Variants in GREM2 observed in about 807,000 individuals in gnomAD.
GREM2 encodes the protein gremlin 2, DAN family BMP antagonist.
A neutral mutation model predicts 14.2 loss-of-function variants in GREM2; 11 were observed. The observed-to-expected ratio is 0.78, with a 90% CI of 0.49 to 1.28. GREM2 has a LOEUF of 1.28. GREM2 is among the 50% of genes most tolerant of loss of function. The probability of loss-of-function intolerance (pLI) is 0.00; values close to 1 mark genes in which losing one functional copy is unlikely to be tolerated. For missense variants in GREM2, 210 were observed against 218.5 expected (o/e 0.96, Z 0.24); for synonymous variants, 98 against 97.6 (o/e 1.00, Z -0.02).
intron 1 of GREM2, among the ~76,000 whole-genome samples, chr1:240,547,524 T>TAGATAG (rs1340172559): frequency 8.3e-6 from 1 of 119,764 alleles, no homozygotes; most frequent in East Asian, 2.5e-4. Context: ...AATATATATA[T>TAGATAG]ATATATATAT....
rs1444062640 is a variant in GREM2, at chr1:240,492,916, G to A, written c.*53C>T. 21 of 1,347,926 alleles carry A rather than the reference G, an allele frequency of 1.6e-5. No individual in the cohort carries two copies. Among genetic ancestry groups the A allele is most frequent in the Non-Finnish European group, 2.0e-5 (21 of 1,048,788 alleles). 83.5% of individuals were successfully genotyped at this position (1,347,926 alleles called of 1,614,324 possible). ...GAGGGCAGGGACAGAGGCGGCGGCG[G>A]CGCCACCCAGCGGCCGGGCGCGCGC... is the stretch of plus-strand genomic sequence containing the variant. On this transcript the variant is annotated 3_prime_UTR_variant, in exon 2 of 2. Coordinates refer to ENST00000318160, the MANE Select transcript of GREM2 (RefSeq NM_022469.4).
chr1:240,493,518 A>C (rs963621778), intron 1 of GREM2, 42 bp from the exon 2 acceptor site: 10 of 1,529,510 alleles, frequency 6.5e-6, no homozygotes, highest in Non-Finnish European at 8.8e-6. Context: ...GAAGGGCCGT[A>C]GAGTACGGGA....
rs753116192 is a variant in GREM2 at position 240,493,380 on chromosome 1, C to T, written c.96G>A (p.Ser32=). ...TGTTGCTGCTGCCGTCCTTGTAAGG[C>T]GAGGGGATGGCGCCCGCCGGCCGGT... ...RKNRPAGAIP[S]PYKDGSSNNS... Residue 32 remains serine, a synonymous_variant, in exon 2 of 2, where the codon TCG becomes TCA. Coordinates refer to ENST00000318160, the MANE Select transcript of GREM2 (RefSeq NM_022469.4). The T allele has an allele frequency of 2.5e-6, 4 of 1,613,522 alleles. No homozygotes were observed. Among genetic ancestry groups the T allele is most frequent in the Admixed American group, 1.7e-5 (1 of 59,992 alleles).
intron 1 of GREM2, among the ~76,000 whole-genome samples, chr1:240,566,825 A>G (rs1679182699): frequency 6.6e-6 from 1 of 152,186 alleles, no homozygotes; most frequent in African/African-American, 2.4e-5. Flanking sequence ...GGCATGCAAA[A>G]CAAAAACAAA....
intron 1 of GREM2, among the ~76,000 whole-genome samples, chr1:240,494,499 A>G (rs1215437374): frequency 6.6e-6 from 1 of 152,238 alleles, no homozygotes; most frequent in Non-Finnish European, 1.5e-5. Flanking sequence ...CATAGGCTAG[A>G]AAAATTACTA....
At chr1:240,586,075 T>G (rs1164882156) in intron 1 of GREM2, among the ~76,000 whole-genome samples, 2 of 151,714 alleles carry the variant, frequency 1.3e-5, no homozygotes, top group Non-Finnish European at 2.9e-5. Flanking sequence ...AAAAGCCCTT[T>G]CTGTGACTTA....
At chr1:240,529,865 G>T (rs1226805987) in intron 1 of GREM2, among the ~76,000 whole-genome samples, 1 of 152,064 alleles carries the variant, frequency 6.6e-6, no homozygotes, top group African/African-American at 2.4e-5. Flanking sequence ...GCTTGAATAA[G>T]AATGACTTAT....
chr1:240,511,330 TAAC>T (rs1391458935), intron 1 of GREM2, among the ~76,000 whole-genome samples: 4 of 152,208 alleles, frequency 2.6e-5, no homozygotes, highest in African/African-American at 9.6e-5. Context: ...AAATACAGTA[TAAC>T]AACTATTTAC....
intron 1 of GREM2, among the ~76,000 whole-genome samples, chr1:240,514,601 T>C (rs561708788): frequency 1.3e-5 from 2 of 152,012 alleles, no homozygotes; most frequent in Non-Finnish European, 2.9e-5. Flanking sequence ...AAAAGTACTA[T>C]CAACTTTAAC....
intron 1 of GREM2, among the ~76,000 whole-genome samples, chr1:240,547,114 G>A (rs1008404123): frequency 6.6e-6 from 1 of 152,092 alleles, no homozygotes; most frequent in Admixed American, 6.6e-5. Flanking sequence ...GGTATTCTTG[G>A]CAAGAAGGGT....
intron 1 of GREM2, among the ~76,000 whole-genome samples, chr1:240,568,417 G>C (rs1679203993): frequency 6.6e-6 from 1 of 151,896 alleles, no homozygotes; most frequent in African/African-American, 2.4e-5. Flanking sequence ...GAAGTAAAGT[G>C]GAACAAAGAA....
In GREM2 at chr1:240,573,486, T is replaced by G. The variant is rs1679298255; in HGVS notation, c.-2+38398A>C. ...CACCATGGATTTTTTTGGCATTAATTTTGATGTTTTAAACCATTGCATTTA... is the reference window on the plus strand; with the variant it reads ...CACCATGGATTTTTTTGGCATTAATGTTGATGTTTTAAACCATTGCATTTA... On this transcript the variant is annotated intron_variant, in intron 1 of 1. Coordinates refer to ENST00000318160, the MANE Select transcript of GREM2 (RefSeq NM_022469.4). 2.0e-5 allele frequency among the ~76,000 whole-genome samples: 3 copies of G among 152,178 alleles called. No homozygotes were observed. In the South Asian group the frequency reaches 6.2e-4, roughly 31 times the overall value.
chr1:240,562,850 ATG>A (rs991704028), intron 1 of GREM2, among the ~76,000 whole-genome samples: 25 of 143,722 alleles, frequency 1.7e-4, no homozygotes, highest in African/African-American at 4.2e-4. Flanking sequence ...ATGAGTGTGT[ATG>A]TGTGTATGTG....
At chr1:240,521,705 GC>G (rs1678103310) in intron 1 of GREM2, among the ~76,000 whole-genome samples, 1 of 152,080 alleles carries the variant, frequency 6.6e-6, no homozygotes, top group Admixed American at 6.6e-5. Context: ...GCCTGGGGTC[GC>G]CCATATTGTG....
At chr1:240,596,372 T>G (rs1679817903) in intron 1 of GREM2, among the ~76,000 whole-genome samples, 1 of 152,118 alleles carries the variant, frequency 6.6e-6, no homozygotes. Context: ...GGACCAAAGG[T>G]CATTCATTGG....
At chr1:240,513,585 A>G (rs1182914771) in intron 1 of GREM2, among the ~76,000 whole-genome samples, 1 of 151,658 alleles carries the variant, frequency 6.6e-6, no homozygotes, top group Non-Finnish European at 1.5e-5. Flanking sequence ...CAAAAAAAAA[A>G]AAAAAAAAGA....
At chr1:240,607,540 T>A (rs1280053641) in intron 1 of GREM2, among the ~76,000 whole-genome samples, 1 of 152,234 alleles carries the variant, frequency 6.6e-6, no homozygotes, top group East Asian at 1.9e-4. Context: ...TATTTCTGCA[T>A]TGCTCCAAGT....
At chr1:240,600,088 G>A (rs1450323336) in intron 1 of GREM2, among the ~76,000 whole-genome samples, 3 of 152,152 alleles carry the variant, frequency 2.0e-5, no homozygotes, top group Non-Finnish European at 2.9e-5. Flanking sequence ...AGGCTCAAAA[G>A]GGAGTATGGT....
intron 1 of GREM2, among the ~76,000 whole-genome samples, chr1:240,593,978 G>T (rs1679765223): frequency 6.6e-6 from 1 of 151,982 alleles, no homozygotes; most frequent in Non-Finnish European, 1.5e-5. Context: ...TTTTGAGACA[G>T]GGTCTCACTC....
Sources: gnomAD v4.1 joint callset for allele counts (sites outside exome capture counted in the v4.1 genomes callset) on GRCh38, gnomAD v4.1.1 for gene constraint, MANE v1.5 for transcripts, NCBI Gene and HGNC (gene_info 2026-07-23, HGNC 2026-07-21) for gene names.